Variants in KCNH4 observed in about 807,000 individuals in gnomAD.
The protein encoded by KCNH4 is potassium voltage-gated channel subfamily H member 4, also known as voltage-gated delayed rectifier potassium channel KCNH4.
A neutral mutation model predicts 90.7 loss-of-function variants in KCNH4; 33 were observed. The ratio of observed to expected loss-of-function variants is 0.36; its 90% CI spans 0.28 to 0.49. KCNH4 has a LOEUF of 0.49. KCNH4 is among the 20% of genes least tolerant of loss of function. The pLI, the probability that KCNH4 is intolerant of heterozygous loss-of-function variation, is 0.98. For missense variants in KCNH4, 1,044 were observed against 1,387.1 expected, an observed-to-expected ratio of 0.75 and a Z score of 3.93; for synonymous variants, 551 against 581.7, an observed-to-expected ratio of 0.95 and a Z score of 0.76.
At chr17:42,176,372 G>C (rs1197236991) in intron 4 of KCNH4, 75 bp from the exon 5 acceptor site, 2 of 1,363,162 alleles carry the variant, frequency 1.5e-6, no homozygotes, top group African/African-American at 2.9e-5. Flanking sequence ...AAAGGCAGGG[G>C]ATGGGGAAAG....
At chr17:42,158,406 C>T (rs999667335) in intron 16 of KCNH4, among the ~76,000 whole-genome samples, 6 of 148,802 alleles carry the variant, frequency 4.0e-5, no homozygotes, top group Non-Finnish European at 7.4e-5. Flanking sequence ...TGGCAGGCGC[C>T]GGTAGTCCCA....
At chr17:42,164,201 C>T (rs373272164) in intron 11 of KCNH4, 33 bp from the exon 12 acceptor site, 9 of 1,521,294 alleles carry the variant, frequency 5.9e-6, no homozygotes, top group Non-Finnish European at 8.0e-6. Flanking sequence ...AAGCTGATTC[C>T]TGCCTTCCCG....
At position 42,163,874 on chromosome 17, in the gene KCNH4, C is replaced by G; in HGVS notation, c.2209G>C (p.Gly737Arg). The G allele has an allele frequency of 6.6e-7, 1 of 1,526,042 alleles. No individual in the cohort carries two copies. 94.5% of individuals were successfully genotyped at this position (1,526,042 alleles called of 1,614,324 possible). ...EAESGAEPGG[G>R]PRPRRPLLLP... ...AGGAGGGGCCGTCGGGGCCTGGGAC[C>G]ACCCCCAGGCTCCGCGCCACTCTCG... Residue 737 changes from glycine to arginine, a missense_variant, in exon 13 of 17, where the codon GGT (glycine) becomes CGT (arginine). Gly to Arg is a moderately radical substitution (Grantham distance 125). This residue lies in a region of KCNH4 where 441 missense variants were observed against 512.3 expected (regional missense o/e 0.86). Transcript: ENST00000264661. The surrounding 1 kb of genome is among the most constrained non-coding windows in gnomAD (Gnocchi z 5.4).
rs202016293 is a variant in KCNH4 at position 42,178,053 on chromosome 17, T to A, written c.585+47A>T. The A allele has an allele frequency of 7.7e-4, 1,224 of 1,586,256 alleles. 4 individuals are homozygous for A. Among genetic ancestry groups the A allele is most frequent in the Non-Finnish European group, 3.8e-4 (439 of 1,164,768 alleles). Reference sequence around the variant, plus strand: ...AGACAGTGGCAGGGGTGCCTCAGAATCAAGGCTGGAGGACTTGGGAGATGT... The same window carrying A: ...AGACAGTGGCAGGGGTGCCTCAGAAACAAGGCTGGAGGACTTGGGAGATGT... On this transcript the variant is annotated intron_variant, in intron 4 of 16. Coordinates refer to ENST00000264661, the MANE Select transcript of KCNH4 (RefSeq NM_012285.3).
rs563516399 is a variant in KCNH4 at position 42,164,150 on chromosome 17, G to C, written c.2104C>G (p.Arg702Gly). The change falls in exon 12 of 17, where the codon CGA (arginine) becomes GGA (glycine). Residue 702 changes from arginine (R) to glycine (G), a missense_variant. Physicochemically the swap from Arg to Gly is moderately radical, Grantham distance 125 (BLOSUM62 -2). This residue lies in a region of KCNH4 where 441 missense variants were observed against 512.3 expected (regional missense o/e 0.86). Transcript: ENST00000264661. Reference sequence around the variant, plus strand: ...GTTACCTGGGAGAGGCGAGGGGATCGGGAAAAGCGGCTGAGGCCCTGTGGG... The same window carrying C: ...GTTACCTGGGAGAGGCGAGGGGATCCGGAAAAGCGGCTGAGGCCCTGTGGG... Reference protein sequence around the residue: ...SDTSGLSRFSRSPRLSQPRSE... With the variant: ...SDTSGLSRFSGSPRLSQPRSE... 27 of 1,552,372 alleles carry C rather than the reference G, an allele frequency of 1.7e-5. No homozygotes were observed. Among genetic ancestry groups the C allele is most frequent in the African/African-American group, 2.7e-5 (2 of 73,080 alleles).
At position 42,181,028 on chromosome 17, in the gene KCNH4, C is replaced by T; in HGVS notation, c.-83G>A. The T allele has an allele frequency of 7.8e-7, 1 of 1,278,736 alleles. No homozygotes were observed. The allele number at this position is 1,278,736 out of a possible 1,614,324, so 79.2% of individuals were successfully genotyped here. On this transcript the variant is annotated 5_prime_UTR_variant, in exon 1 of 17. Coordinates refer to ENST00000264661, the MANE Select transcript of KCNH4 (RefSeq NM_012285.3). ...GGAGGGGGCGCGCTGTCGGAGGGGC[C>T]GGGGCGCCCCATGCGCCCTCCTGCC...
rs1477432119 is a variant in KCNH4, at chr17:42,163,136, T to G, written c.2584+92A>C. On this transcript the variant is annotated intron_variant, in intron 14 of 16. Coordinates refer to ENST00000264661, the MANE Select transcript of KCNH4 (RefSeq NM_012285.3). This position sits in a 1 kb window ranked among gnomAD's most constrained non-coding sequence, Gnocchi z 5.4. ...ATCTGTGTATTCCCAGGATGGCACC[T>G]GGCACATGGTAGGCCCCTACTACAT... 2 of 879,056 alleles carry G rather than the reference T, an allele frequency of 2.3e-6. No homozygotes were observed. Among genetic ancestry groups the G allele is most frequent in the Non-Finnish European group, 3.8e-6 (2 of 523,718 alleles). The allele number at this position is 879,056 out of a possible 1,614,324, so 54.5% of individuals were successfully genotyped here.
At chr17:42,161,145 G>A (rs2079745973) in intron 15 of KCNH4, among the ~76,000 whole-genome samples, 1 of 151,964 alleles carries the variant, frequency 6.6e-6, no homozygotes, top group South Asian at 2.1e-4. Flanking sequence ...AGCCAGAATG[G>A]TCTCCATCTC....
In KCNH4 at chr17:42,176,075, C is replaced by T. The variant is rs1292596032; in HGVS notation, c.808G>A (p.Val270Met). ...TGACCTAGGATGAAGAGCATTTCCACGGCGATGTCGCTGACAAGGGTGTGT... is the reference window on the plus strand; with the variant it reads ...TGACCTAGGATGAAGAGCATTTCCATGGCGATGTCGCTGACAAGGGTGTGT... ...SRHTLVSDIAVEMLFILDIIL... is the reference protein window; with the variant it reads ...SRHTLVSDIAMEMLFILDIIL... The change falls in exon 5 of 17, where the codon GTG becomes ATG. Residue 270 changes from valine to methionine, a missense_variant. Val to Met is a conservative substitution (Grantham distance 21, BLOSUM62 1). Coordinates refer to ENST00000264661, the MANE Select transcript of KCNH4 (RefSeq NM_012285.3). 2 of 1,608,908 alleles carry T rather than the reference C, an allele frequency of 1.2e-6. No individual in the cohort carries two copies. Among genetic ancestry groups the T allele is most frequent in the East Asian group, 2.2e-5 (1 of 44,748 alleles).
At position 42,163,927 on chromosome 17, in the gene KCNH4, T is replaced by C. The variant is rs2079767825; in HGVS notation, c.2156A>G (p.Asp719Gly). ...CTCTGTGATGGATGGCAGCGTCTTG[T>C]CTGAGGAGGAGCCGAGGCTTTCTGA... ...PRSESLGSSS[D>G]KTLPSITEAE... The change falls in exon 13 of 17, where the codon GAC (aspartate) becomes GGC (glycine). Residue 719 changes from aspartate to glycine, a missense_variant. Asp to Gly is a moderately conservative substitution (Grantham distance 94). This residue lies in a region of KCNH4 where 441 missense variants were observed against 512.3 expected (regional missense o/e 0.86). Coordinates refer to ENST00000264661, the MANE Select transcript of KCNH4 (RefSeq NM_012285.3). The surrounding 1 kb of genome is among the most constrained non-coding windows in gnomAD (Gnocchi z 5.4). 7.1e-6 allele frequency: 11 copies of C among 1,546,540 alleles called. No homozygotes were observed. Among genetic ancestry groups the C allele is most frequent in the Non-Finnish European group, 9.6e-6 (11 of 1,146,252 alleles).
rs1019946841 is a variant in KCNH4, at chr17:42,162,253, G to C, written c.2653C>G (p.Gln885Glu). The C allele has an allele frequency of 3.1e-6, 5 of 1,613,722 alleles. No homozygotes were observed. Among genetic ancestry groups the C allele is most frequent in the African/African-American group, 1.3e-5 (1 of 74,866 alleles). ...CTGAGCCAGCCCCAACCCACCTCCT[G>C]GTTCAGCCGGCAAACCTTTTCCTTC... is the stretch of plus-strand genomic sequence containing the variant. ...EVKEKVCRLN[Q>E]EISRLNQEVS... The change falls in exon 15 of 17, where the codon CAG becomes GAG. Residue 885 changes from glutamine to glutamate, a missense_variant. Gln to Glu is a conservative substitution (Grantham distance 29). Transcript: ENST00000264661.
Position 42,164,149 on chromosome 17 carries a change from C to G in KCNH4, c.2105G>C (p.Arg702Pro). The G allele has an allele frequency of 6.4e-7, 1 of 1,551,606 alleles. No homozygotes were observed. Among genetic ancestry groups the G allele is most frequent in the Non-Finnish European group, 8.7e-7 (1 of 1,146,986 alleles). ...SDTSGLSRFS[R>P]SPRLSQPRSE... is the part of the protein sequence containing the mutation. ...TGTTACCTGGGAGAGGCGAGGGGAT[C>G]GGGAAAAGCGGCTGAGGCCCTGTGG... The change falls in exon 12 of 17, where the codon CGA (arginine) becomes CCA (proline). Residue 702 changes from arginine (R) to proline (P), a missense_variant. Arg to Pro is a moderately radical substitution (Grantham distance 103). Coordinates refer to ENST00000264661, the MANE Select transcript of KCNH4 (RefSeq NM_012285.3).
chr17:42,158,404 G>A (rs1259130823), intron 16 of KCNH4, among the ~76,000 whole-genome samples: 6 of 150,000 alleles, frequency 4.0e-5, no homozygotes, highest in African/African-American at 7.4e-5. Context: ...GGTGGCAGGC[G>A]CCGGTAGTCC....
intron 4 of KCNH4, 98 bp from the exon 5 acceptor site, chr17:42,176,395 C>T: frequency 8.4e-7 from 1 of 1,189,974 alleles, no homozygotes; most frequent in Non-Finnish European, 1.2e-6. Context: ...AGCAGGTGGG[C>T]ACTGCAAGGG....
chr17:42,171,626 G>A (rs2079827445), intron 7 of KCNH4, among the ~76,000 whole-genome samples, 162 bp downstream of exon 7: 1 of 152,026 alleles, frequency 6.6e-6, no homozygotes. Flanking sequence ...GCCCTTGTCT[G>A]CAAATCAATA....
intron 15 of KCNH4, among the ~76,000 whole-genome samples, chr17:42,160,989 C>T (rs554832691): frequency 5.3e-5 from 7 of 131,208 alleles, no homozygotes; most frequent in Admixed American, 8.9e-5. Flanking sequence ...TGCAATGGCG[C>T]GATCTCAGCT....
chr17:42,176,177 C>T lies in KCNH4; in HGVS notation c.706G>A (p.Ala236Thr), dbSNP rs1200804553. ...ACGGTGACCGCAACGTAGAAGGTGGCAAGGAGGATAAGGCCGTCCCAGATG... is the reference window on the plus strand; with the variant it reads ...ACGGTGACCGCAACGTAGAAGGTGGTAAGGAGGATAAGGCCGTCCCAGATG... ...KAIWDGLILLATFYVAVTVPY... is the reference protein window; with the variant it reads ...KAIWDGLILLTTFYVAVTVPY... The change falls in exon 5 of 17, where the codon GCC (alanine) becomes ACC (threonine). Residue 236 changes from alanine (A) to threonine (T), a missense_variant. Ala to Thr is a moderately conservative substitution (Grantham distance 58). This residue lies in a region of KCNH4 where 283 missense variants were observed against 378.6 expected (regional missense o/e 0.75). Transcript: ENST00000264661. The T allele has an allele frequency of 6.2e-7, 1 of 1,613,796 alleles. No homozygotes were observed. The highest frequency in any genetic ancestry group is 8.5e-7 in the Non-Finnish European group (1 of 1,179,900).
rs1671407968 is a variant in KCNH4 at position 42,178,186 on chromosome 17, A to G, written c.499T>C (p.Ser167Pro). 2 of 1,614,078 alleles carry G rather than the reference A, an allele frequency of 1.2e-6. No individual in the cohort carries two copies. Among genetic ancestry groups the G allele is most frequent in the African/African-American group, 1.3e-5 (1 of 74,916 alleles). ...GRRGATWKFR[S>P]ARRRSRTVLH... ...ACAGTACGGCTCCGTCTTCTGGCAG[A>G]CCGAAATTTCCAGGTGGCTCCCCTT... is the stretch of plus-strand genomic sequence containing the variant. Residue 167 changes from serine (S) to proline (P), a missense_variant, in exon 4 of 17, where the codon TCT becomes CCT. Ser to Pro is a moderately conservative substitution (Grantham distance 74). Around this residue, in one of 4 missense-constraint regions of KCNH4, gnomAD observed 283 missense variants for 378.6 expected, o/e 0.75. Transcript: ENST00000264661.
At chr17:42,168,759 TTTTTTTA>T (rs140476031) in intron 9 of KCNH4, among the ~76,000 whole-genome samples, 22,636 of 138,726 alleles carry the variant, frequency 0.16, 1,978 homozygotes, top group East Asian at 0.37. Flanking sequence ...TATTTATTTA[TTTTTTTA>T]TTTTTATTTT....
Sources: allele counts gnomAD v4.1 joint callset (sites outside exome capture counted in the v4.1 genomes callset), GRCh38; gene constraint gnomAD v4.1.1; regional missense constraint gnomAD v4.1.1; non-coding constraint Gnocchi (gnomAD v3.1); transcripts MANE v1.5; gene names NCBI Gene and HGNC (gene_info 2026-07-23, HGNC 2026-07-21).